The following MPDZ variants were observed in gnomAD, a reference collection of about 807,000 sequenced individuals.
MPDZ encodes the protein multiple PDZ domain crumbs cell polarity complex component.
Under a neutral mutation model 239.1 loss-of-function variants are expected in MPDZ, and 234 were observed. The ratio of observed to expected loss-of-function variants is 0.98; its 90% CI spans 0.88 to 1.09. The LOEUF is 1.09. MPDZ is among the 50% of genes least tolerant of loss of function. The pLI is 0.00. For missense variants in MPDZ, 3,175 were observed against 2,510.0 expected (o/e 1.26, Z -5.66); for synonymous variants, 1,048 against 881.3 (o/e 1.19, Z -3.35).
Position 13,188,860 on chromosome 9 carries a change from C to A in MPDZ, c.2288G>T (p.Ser763Ile), listed in dbSNP as rs1404647512. 1 of 1,613,612 alleles carries A rather than the reference C, an allele frequency of 6.2e-7. No individual in the cohort carries two copies. The highest frequency in any genetic ancestry group is 2.2e-5 in the East Asian group (1 of 44,856). The change falls in exon 17 of 47, where the codon AGT (serine) becomes ATT (isoleucine). Residue 763 changes from serine to isoleucine, a missense_variant. By Grantham distance (142) the Ser-to-Ile change is moderately radical. Coordinates refer to ENST00000319217, the MANE Select transcript of MPDZ (RefSeq NM_001378778.1). ...FVNDVNLENS[S>I]LEEAVEALKG... ...CAGTGCTTCTACAGCTTCCTCAAGA[C>A]TGCTGTTTTCCAAGTTAACATCGTT... is the stretch of plus-strand genomic sequence containing the variant.
intron 32 of MPDZ, among the ~76,000 whole-genome samples, chr9:13,127,661 C>A (rs1414462434): frequency 6.6e-6 from 1 of 152,106 alleles, no homozygotes; most frequent in African/African-American, 2.4e-5. Flanking sequence ...AGGTAGGTTT[C>A]AACATCATTT....
chr9:13,178,699 G>C (rs1351924928), intron 19 of MPDZ, among the ~76,000 whole-genome samples: 1 of 152,144 alleles, frequency 6.6e-6, no homozygotes, highest in African/African-American at 2.4e-5. Flanking sequence ...GTGACGAATA[G>C]ACATTCTTCT....
At position 13,150,501 on chromosome 9, in the gene MPDZ, T is replaced by G. The variant is rs755969502; in HGVS notation, c.3630+10A>C. 2.6e-6 allele frequency: 4 copies of G among 1,519,500 alleles called. No individual in the cohort carries two copies. The Admixed American group carries it at 5.6e-5, about 21-fold the overall frequency. The allele number at this position is 1,519,500 out of a possible 1,614,324, so 94.1% of individuals were successfully genotyped here. A position where few individuals can be genotyped will look rare whatever the true frequency, so the allele number is the denominator to read the frequency against. ...ACAAATTTTAGCACAGAAAGCTCAC[T>G]AGAGGGTACCTCTACGATTCTATCT... On this transcript the variant is annotated intron_variant, in intron 25 of 46. Transcript: ENST00000319217.
intron 25 of MPDZ, among the ~76,000 whole-genome samples, chr9:13,150,304 A>G (rs2133019885): frequency 6.6e-6 from 1 of 152,158 alleles, no homozygotes; most frequent in South Asian, 2.1e-4. Context: ...TAAGAAAGAA[A>G]TAATTTATCC....
At chr9:13,239,910 T>TA (rs1465048916) in intron 3 of MPDZ, among the ~76,000 whole-genome samples, 2 of 152,146 alleles carry the variant, frequency 1.3e-5, no homozygotes, top group Admixed American at 1.3e-4. Flanking sequence ...TTTCTTTATT[T>TA]AAATCTCAAC....
intron 19 of MPDZ, among the ~76,000 whole-genome samples, chr9:13,183,023 T>C (rs1205871375): frequency 3.3e-5 from 5 of 152,138 alleles, no homozygotes; most frequent in Non-Finnish European, 7.4e-5. Context: ...ATGCAAGAAA[T>C]ATTTTACTAT....
At chr9:13,144,873 G>A (rs963522250) in intron 26 of MPDZ, among the ~76,000 whole-genome samples, 11 of 152,010 alleles carry the variant, frequency 7.2e-5, no homozygotes, top group Non-Finnish European at 1.3e-4. Flanking sequence ...ATTTATTAAC[G>A]TGGAAGAAAT....
chr9:13,226,618 A>G (rs936261945), intron 3 of MPDZ, among the ~76,000 whole-genome samples: 1 of 152,048 alleles, frequency 6.6e-6, no homozygotes, highest in Non-Finnish European at 1.5e-5. Context: ...TCGCATTCCT[A>G]TCTAAGACAG....
intron 3 of MPDZ, among the ~76,000 whole-genome samples, chr9:13,232,434 C>G (rs1049436137): frequency 6.6e-6 from 1 of 152,074 alleles, no homozygotes; most frequent in Non-Finnish European, 1.5e-5. Flanking sequence ...AAAGGATGAT[C>G]TCTTCAATAA....
At chr9:13,269,303 T>A (rs1043574471) in intron 1 of MPDZ, among the ~76,000 whole-genome samples, 1 of 152,204 alleles carries the variant, frequency 6.6e-6, no homozygotes, top group Non-Finnish European at 1.5e-5. Context: ...CTTTTGGACA[T>A]ACTGAGTTTG....
intron 1 of MPDZ, among the ~76,000 whole-genome samples, chr9:13,260,671 G>C (rs1970485054): frequency 6.6e-6 from 1 of 152,098 alleles, no homozygotes; most frequent in African/African-American, 2.4e-5. Flanking sequence ...TGGTCTTCTA[G>C]AAAGAGGAAG....
chr9:13,228,714 T>A (rs1467481654), intron 3 of MPDZ, among the ~76,000 whole-genome samples: 2 of 152,120 alleles, frequency 1.3e-5, no homozygotes, highest in Non-Finnish European at 2.9e-5. Context: ...TTATCATAAA[T>A]ATATTTTACA....
intron 24 of MPDZ, among the ~76,000 whole-genome samples, chr9:13,155,480 C>A (rs568124644): frequency 3.3e-5 from 5 of 152,094 alleles, no homozygotes; most frequent in African/African-American, 1.2e-4. Context: ...TGCAACACAA[C>A]AACTAAATTG....
chr9:13,273,849 G>A lies in MPDZ; in HGVS notation c.-58+5551C>T, dbSNP rs566511106. On this transcript the variant is annotated intron_variant, in intron 1 of 46. Transcript: ENST00000319217. ...TACGTTCTCCACTGGTATCCTACATGCCACGTGGTAGTGAACTGTATCATA... is the reference window on the plus strand; with the variant it reads ...TACGTTCTCCACTGGTATCCTACATACCACGTGGTAGTGAACTGTATCATA... 6.6e-5 allele frequency among the ~76,000 whole-genome samples: 10 copies of A among 152,198 alleles called. No homozygotes were observed. The South Asian group carries it at 1.9e-3, about 28-fold the overall frequency.
chr9:13,123,415 G>A (rs1944662298), intron 35 of MPDZ, 117 bp from the exon 36 acceptor site: 1 of 718,378 alleles, frequency 1.4e-6, no homozygotes, highest in Admixed American at 2.8e-5. Context: ...CCATGACTGT[G>A]GGAAAAGAGA....
intron 24 of MPDZ, among the ~76,000 whole-genome samples, chr9:13,156,736 CT>C (rs1193974170): frequency 6.6e-6 from 1 of 151,504 alleles, no homozygotes. Flanking sequence ...ACCAACCTAT[CT>C]TTTTTTCCTG....
chr9:13,251,816 C>T (rs948714869), intron 1 of MPDZ, among the ~76,000 whole-genome samples: 1 of 152,184 alleles, frequency 6.6e-6, no homozygotes, highest in East Asian at 1.9e-4. Flanking sequence ...ACATCAACTC[C>T]ATTTCAAATG....
In MPDZ at chr9:13,193,315, T is replaced by C; in HGVS notation, c.1657-2A>G. 1 of 1,574,194 alleles carries C rather than the reference T, an allele frequency of 6.4e-7. No individual in the cohort carries two copies. On this transcript the variant is annotated splice_acceptor_variant, in intron 13 of 46. Coordinates refer to ENST00000319217, the MANE Select transcript of MPDZ (RefSeq NM_001378778.1). LOFTEE classifies it high-confidence loss of function. ...ACTAAACTTGCTCACATGGGCCACC[T>C]GAAAAGAAAAAAAAAAAGATCACCA...
At chr9:13,139,616 G>A (rs1308762266) in intron 28 of MPDZ, among the ~76,000 whole-genome samples, 3 of 151,940 alleles carry the variant, frequency 2.0e-5, no homozygotes, top group Non-Finnish European at 2.9e-5. Context: ...AGTTCAAGGT[G>A]TGATATCAAC....
Sources: allele counts gnomAD v4.1 joint callset (sites outside exome capture counted in the v4.1 genomes callset), GRCh38; gene constraint gnomAD v4.1.1; transcripts MANE v1.5; gene names NCBI Gene and HGNC (gene_info 2026-07-23, HGNC 2026-07-21).